Variants in FAAH2 observed in about 807,000 individuals in gnomAD.
FAAH2 encodes the protein fatty acid amide hydrolase 2.
In FAAH2, 60 loss-of-function variants were observed where a neutral mutation model predicts 36.9. The ratio of observed to expected loss-of-function variants is 1.63; its 90% confidence interval spans 1.32 to 2.02. The LOEUF is 2.02. FAAH2 is among the 30% of genes most tolerant of loss of function. FAAH2 has a pLI of 0.00. For synonymous variants in FAAH2, 214 were observed against 143.8 expected, an observed-to-expected ratio of 1.49 and a Z score of -3.49; for missense variants, 689 against 397.5, an observed-to-expected ratio of 1.73 and a Z score of -6.23.
the FAAH2 span, among the ~76,000 whole-genome samples, chrX:57,259,413 T>A: frequency 8.9e-6 from 1 of 111,996 alleles, no homozygotes; most frequent in Non-Finnish European, 1.9e-5. Context: ...TGTGTGTGCA[T>A]GTATGTGTGC....
At chrX:57,134,441 G>T in the FAAH2 span, 3 of 111,158 alleles carry the variant, frequency 2.7e-5, no homozygotes, top group Non-Finnish European at 5.7e-5. Context: ...TGGGACAGCA[G>T]GTTTCTTTTA....
At chrX:57,266,616 C>A in the FAAH2 span, among the ~76,000 whole-genome samples, 1 of 112,411 alleles carries the variant, frequency 8.9e-6, no homozygotes, top group Non-Finnish European at 1.9e-5. Context: ...GGTAGTTGAC[C>A]CAAGGAGAGT....
At chrX:57,330,391 C>G (rs1225122719) in intron 3 of FAAH2, among the ~76,000 whole-genome samples, 2 of 111,423 alleles carry the variant, frequency 1.8e-5, no homozygotes, top group Non-Finnish European at 3.8e-5. Context: ...AAAGGAAATT[C>G]CTGTCTAATA....
chrX:57,317,482 T>A (rs1431775089), intron 3 of FAAH2, among the ~76,000 whole-genome samples: 1 of 111,988 alleles, frequency 8.9e-6, no homozygotes, highest in African/African-American at 3.2e-5. Context: ...TAAATATATA[T>A]GTACCCAGTA....
rs147173444 is a variant in FAAH2, at chrX:57,448,667, G to A, written c.1372G>A (p.Ala458Thr). ...VFLYPSHPTV[A>T]PKHHVPLTRP... ...CTTATATCCCTCACATCCCACAGTG[G>A]CACCTAAGCATCATGTCCCTCTAAC... Residue 458 changes from alanine to threonine, a missense_variant, in exon 10 of 11, where the codon GCA becomes ACA. Physicochemically the swap from Ala to Thr is moderately conservative, Grantham distance 58 (BLOSUM62 0). Coordinates refer to ENST00000374900, the MANE Select transcript of FAAH2 (RefSeq NM_174912.4). The A allele has an allele frequency of 7.9e-5, 96 of 1,209,352 alleles. No individual in the cohort carries two copies. Among genetic ancestry groups the A allele is most frequent in the African/African-American group, 3.0e-4 (17 of 57,069 alleles).
intron 7 of FAAH2, among the ~76,000 whole-genome samples, chrX:57,415,045 G>T (rs1247727120): frequency 4.6e-5 from 5 of 109,860 alleles, no homozygotes; most frequent in Non-Finnish European, 7.6e-5. Context: ...TCTGATGGTA[G>T]TTTGTATTTT....
chrX:57,216,513 T>C, the FAAH2 span, among the ~76,000 whole-genome samples: 1 of 52,377 alleles, frequency 1.9e-5, no homozygotes, highest in South Asian at 7.3e-4. Context: ...TATATATATA[T>C]ATATACGTAT....
At chrX:57,465,889 G>A (rs1487765127) in intron 10 of FAAH2, among the ~76,000 whole-genome samples, 3 of 109,686 alleles carry the variant, frequency 2.7e-5, no homozygotes, top group Non-Finnish European at 5.7e-5. Context: ...ATATATGACA[G>A]CAATAGCACA....
the FAAH2 span, among the ~76,000 whole-genome samples, chrX:57,151,318 A>G: frequency 2.6e-4 from 29 of 111,834 alleles, no homozygotes; most frequent in African/African-American, 9.4e-4. Flanking sequence ...GCCTTGCTAG[A>G]TTGGGGAAGT....
At chrX:57,442,043 T>C (rs1030753192) in intron 8 of FAAH2, among the ~76,000 whole-genome samples, 1 of 111,761 alleles carries the variant, frequency 8.9e-6, no homozygotes, top group Non-Finnish European at 1.9e-5. Flanking sequence ...GTGGTCAATT[T>C]TGGAATAAGT....
the FAAH2 span, among the ~76,000 whole-genome samples, chrX:57,256,337 C>A: frequency 9.0e-6 from 1 of 111,645 alleles, no homozygotes. Context: ...GTGAAAATGA[C>A]CTTCCTGTTC....
chrX:57,249,738 T>G, the FAAH2 span, among the ~76,000 whole-genome samples: 1 of 112,083 alleles, frequency 8.9e-6, no homozygotes, highest in South Asian at 3.7e-4. Flanking sequence ...ATACTATGTT[T>G]GCTTGACTTT....
At chrX:57,154,819 C>T in the FAAH2 span, among the ~76,000 whole-genome samples, 2 of 109,590 alleles carry the variant, frequency 1.8e-5, no homozygotes, top group African/African-American at 3.3e-5. Flanking sequence ...GAGGGAAGAT[C>T]TGGGACTCAA....
chrX:57,232,994 G>T, the FAAH2 span, among the ~76,000 whole-genome samples: 1 of 112,298 alleles, frequency 8.9e-6, no homozygotes, highest in African/African-American at 3.2e-5. Context: ...AATTTTGTGT[G>T]TTATACTCCC....
upstream of FAAH2, among the ~76,000 whole-genome samples, chrX:57,284,892 G>A (rs779901558): frequency 3.4e-4 from 38 of 112,104 alleles, no homozygotes; most frequent in Non-Finnish European, 6.8e-4. Flanking sequence ...AACATAATGA[G>A]TGCTGGATCT....
chrX:57,306,898 AC>A (rs1398064788), intron 2 of FAAH2, among the ~76,000 whole-genome samples: 2 of 88,680 alleles, frequency 2.3e-5, no homozygotes, highest in African/African-American at 3.8e-5. Context: ...CACCATATAT[AC>A]ATATATAGTA....
chrX:57,465,823 AATAATACCC>A (rs2037022339), intron 10 of FAAH2, among the ~76,000 whole-genome samples: 1 of 110,752 alleles, frequency 9.0e-6, no homozygotes, highest in Non-Finnish European at 1.9e-5. Flanking sequence ...TGCTTTTAAA[AATAATACCC>A]AAAACAATTA....
intron 3 of FAAH2, among the ~76,000 whole-genome samples, chrX:57,313,275 A>T (rs2052745397): frequency 9.1e-6 from 1 of 110,448 alleles, no homozygotes; most frequent in Non-Finnish European, 1.9e-5. Flanking sequence ...ACTCATCAGG[A>T]TTCTCAAGAG....
At chrX:57,145,798 C>A in the FAAH2 span, among the ~76,000 whole-genome samples, 3 of 111,527 alleles carry the variant, frequency 2.7e-5, no homozygotes, top group Non-Finnish European at 5.7e-5. Flanking sequence ...ATGCCAGCAC[C>A]ATTTGTTGAA....
Sources: gnomAD v4.1 joint callset for allele counts (sites outside exome capture counted in the v4.1 genomes callset) on GRCh38, gnomAD v4.1.1 for gene constraint, MANE v1.5 for transcripts, NCBI Gene and HGNC (gene_info 2026-07-23, HGNC 2026-07-21) for gene names.